Variants in LEPROT observed in about 807,000 individuals in gnomAD.
LEPROT encodes the protein leptin receptor overlapping transcript, also known as leptin receptor gene-related protein.
In LEPROT, 3 loss-of-function variants were observed where a neutral mutation model predicts 15.4. The ratio of observed to expected loss-of-function variants is 0.19; its 90% CI spans 0.09 to 0.50. The LOEUF (loss-of-function observed/expected upper bound fraction) is 0.50, where lower values mean the gene tolerates loss of function less well. Among genes scored for constraint, LEPROT ranks in the 20% least tolerant of loss-of-function variants. The pLI is 0.97. For synonymous variants in LEPROT, 59 were observed against 57.5 expected (o/e 1.03, Z -0.12); for missense variants, 137 against 162.2 (o/e 0.84, Z 0.84).
In LEPROT at chr1:65,432,265, G is replaced by T; in HGVS notation, c.*346G>T. On this transcript the variant is annotated 3_prime_UTR_variant, in exon 4 of 4. Transcript: ENST00000371065. Reference sequence around the variant, plus strand: ...GGATGTGCTTGGAGAGGCAGATAACGCTGAAGCAGGCCTCTCATGACCCAG... The same window carrying T: ...GGATGTGCTTGGAGAGGCAGATAACTCTGAAGCAGGCCTCTCATGACCCAG... The T allele has an allele frequency of 2.0e-6, 2 of 1,002,094 alleles. No homozygotes were observed. The highest frequency in any genetic ancestry group is 2.4e-6 in the Non-Finnish European group (2 of 840,598). The allele number at this position is 1,002,094 out of a possible 1,614,324, so 62.1% of individuals were successfully genotyped here.
chr1:65,435,337 G>A lies in LEPROT; in HGVS notation c.*3418G>A. ...TTTATGTTCTCAGGGAAATGCTTAG[G>A]TGGTGTCACAAAATGTGCCTTTTCT... On this transcript the variant is annotated 3_prime_UTR_variant, in exon 4 of 4. Coordinates refer to ENST00000371065, the MANE Select transcript of LEPROT (RefSeq NM_017526.5). 2 of 982,494 alleles carry A rather than the reference G, an allele frequency of 2.0e-6. No individual in the cohort carries two copies. Among genetic ancestry groups the A allele is most frequent in the Non-Finnish European group, 2.4e-6 (2 of 828,128 alleles). The allele number at this position is 982,494 out of a possible 1,614,324, so 60.9% of individuals were successfully genotyped here. A position where few individuals can be genotyped will look rare whatever the true frequency, so the allele number is the denominator to read the frequency against.
chr1:65,434,371 A>G lies in LEPROT; in HGVS notation c.*2452A>G, dbSNP rs1382945435. The G allele has an allele frequency of 1.9e-5, 19 of 985,298 alleles. No individual in the cohort carries two copies. The highest frequency in any genetic ancestry group is 2.0e-5 in the Non-Finnish European group (17 of 829,928). The allele number at this position is 985,298 out of a possible 1,614,324, so 61.0% of individuals were successfully genotyped here. On this transcript the variant is annotated 3_prime_UTR_variant, in exon 4 of 4. Coordinates refer to ENST00000371065, the MANE Select transcript of LEPROT (RefSeq NM_017526.5). The stretch of plus-strand genomic sequence containing the variant: ...TTTGGAGATTCAGAGCATAGTGACT[A>G]TAGTCGAAAACTGAGATTGCACTTC...
chr1:65,427,730 C>G (rs1045071137), intron 2 of LEPROT: 4 of 365,182 alleles, frequency 1.1e-5, no homozygotes, highest in African/African-American at 8.5e-5. Flanking sequence ...CTCATTACTG[C>G]TACTACAAAT....
Position 65,434,266 on chromosome 1 carries a change from A to T in LEPROT, c.*2347A>T. ...ATTGCTATATCTGAATATATAATAC[A>T]AAAGTTTGATCATGGTGACACAAAT... On this transcript the variant is annotated 3_prime_UTR_variant, in exon 4 of 4. Coordinates refer to ENST00000371065, the MANE Select transcript of LEPROT (RefSeq NM_017526.5). 1.0e-6 allele frequency: 1 copy of T among 982,910 alleles called. No individual in the cohort carries two copies. The highest frequency in any genetic ancestry group is 1.2e-6 in the Non-Finnish European group (1 of 827,596). The allele number at this position is 982,910 out of a possible 1,614,324, so 60.9% of individuals were successfully genotyped here.
intron 2 of LEPROT, among the ~76,000 whole-genome samples, chr1:65,425,646 AGAG>A (rs60086513): frequency 0.48 from 72,713 of 151,704 alleles, 18,054 homozygotes; most frequent in African/African-American, 0.59. Flanking sequence ...CTGTCCTCAA[AGAG>A]GAGGTAAAGT....
intron 2 of LEPROT, among the ~76,000 whole-genome samples, chr1:65,428,934 A>AGT (rs908278269): frequency 6.6e-6 from 1 of 152,176 alleles, no homozygotes; most frequent in Non-Finnish European, 1.5e-5. Flanking sequence ...TGAAGATCAA[A>AGT]GTACATCTAA....
At position 65,426,630 on chromosome 1, in the gene LEPROT, C is replaced by T. The variant is rs532722173; in HGVS notation, c.92+1252C>T. ...AAACCAACCAACAGGTTTTGTTCAT[C>T]GATGTCAGGATTCAACAAGGAGGGA... On this transcript the variant is annotated intron_variant, in intron 2 of 3. Transcript: ENST00000371065. Among the ~76,000 whole-genome samples, 13 of 152,170 alleles carry T rather than the reference C, an allele frequency of 8.5e-5. 1 individual carries two copies. In the South Asian group the frequency reaches 2.3e-3, roughly 27 times the overall value.
At chr1:65,421,398 T>C (rs1208845103) in intron 1 of LEPROT, 43 of 1,536,120 alleles carry the variant, frequency 2.8e-5, no homozygotes, top group Non-Finnish European at 3.7e-5. Context: ...GCGTCCCTTA[T>C]CTGTATGGCT....
intron 2 of LEPROT, among the ~76,000 whole-genome samples, chr1:65,429,192 G>C (rs1173635884): frequency 6.6e-6 from 1 of 152,074 alleles, no homozygotes; most frequent in Admixed American, 6.6e-5. Flanking sequence ...TTTTAGAAAG[G>C]AATCTGTCAG....
At chr1:65,426,813 A>G (rs373072400) in intron 2 of LEPROT, among the ~76,000 whole-genome samples, 1 of 152,304 alleles carries the variant, frequency 6.6e-6, no homozygotes, top group South Asian at 2.1e-4. Flanking sequence ...CCTAGGCAAC[A>G]TGGTGAAACC....
At chr1:65,426,748 C>T (rs987781121) in intron 2 of LEPROT, among the ~76,000 whole-genome samples, 1 of 152,132 alleles carries the variant, frequency 6.6e-6, no homozygotes, top group Non-Finnish European at 1.5e-5. Flanking sequence ...CCTGTAATCC[C>T]AGCACTTTGG....
intron 1 of LEPROT, chr1:65,421,606 C>A: frequency 2.3e-6 from 2 of 880,386 alleles, no homozygotes; most frequent in Non-Finnish European, 3.5e-6. Flanking sequence ...TATACGAGTA[C>A]GCCTCTGTTC....
In LEPROT at chr1:65,435,159, T is replaced by C; in HGVS notation, c.*3240T>C. ...CTCATCTCTTCCTCAGGAGGAGTTCTGAGCTGGTCCTGCTTTTCATAGTTG... is the reference window on the plus strand; with the variant it reads ...CTCATCTCTTCCTCAGGAGGAGTTCCGAGCTGGTCCTGCTTTTCATAGTTG... On this transcript the variant is annotated 3_prime_UTR_variant, in exon 4 of 4. Transcript: ENST00000371065. The C allele has an allele frequency of 1.0e-6, 1 of 985,288 alleles. No individual in the cohort carries two copies. Among genetic ancestry groups the C allele is most frequent in the Non-Finnish European group, 1.2e-6 (1 of 829,804 alleles). 61.0% of individuals were successfully genotyped at this position (985,288 alleles called of 1,614,324 possible).
At position 65,433,238 on chromosome 1, in the gene LEPROT, GAT is replaced by G; in HGVS notation, c.*1323_*1324del. 2.0e-6 allele frequency: 2 copies of G among 985,370 alleles called. No homozygotes were observed. The highest frequency in any genetic ancestry group is 2.4e-6 in the Non-Finnish European group (2 of 829,944). The allele number at this position is 985,370 out of a possible 1,614,324, so 61.0% of individuals were successfully genotyped here. ...TACGGCTCTGGCTTCTTCCCGAAGA[GAT>G]ATAGGAGCCATGTAAGCACGCAGTG... On this transcript the variant is annotated 3_prime_UTR_variant, in exon 4 of 4. Transcript: ENST00000371065.
intron 2 of LEPROT, among the ~76,000 whole-genome samples, chr1:65,428,250 T>G (rs1364634588): frequency 6.6e-6 from 1 of 152,196 alleles, no homozygotes; most frequent in African/African-American, 2.4e-5. Context: ...TTTCTCTTAG[T>G]TGGATATCGG....
chr1:65,426,736 C>T (rs746592371), intron 2 of LEPROT, among the ~76,000 whole-genome samples: 2 of 152,174 alleles, frequency 1.3e-5, no homozygotes, highest in African/African-American at 4.8e-5. Context: ...CCATGGCTCA[C>T]GCCTGTAATC....
At position 65,433,647 on chromosome 1, in the gene LEPROT, A is replaced by T; in HGVS notation, c.*1728A>T. ...ATTTTTTGGCCTTGTTCATGATTTTATGTTTTCAGTGTCCTGTGTACATAT... is the reference window on the plus strand; with the variant it reads ...ATTTTTTGGCCTTGTTCATGATTTTTTGTTTTCAGTGTCCTGTGTACATAT... On this transcript the variant is annotated 3_prime_UTR_variant, in exon 4 of 4. Transcript: ENST00000371065. 1 of 985,326 alleles carries T rather than the reference A, an allele frequency of 1.0e-6. No homozygotes were observed. Among genetic ancestry groups the T allele is most frequent in the Non-Finnish European group, 1.2e-6 (1 of 829,842 alleles). The allele number at this position is 985,326 out of a possible 1,614,324, so 61.0% of individuals were successfully genotyped here. A position where few individuals can be genotyped will look rare whatever the true frequency, so the allele number is the denominator to read the frequency against.
At chr1:65,424,453 C>T (rs533264168) in intron 1 of LEPROT, among the ~76,000 whole-genome samples, 1 of 152,240 alleles carries the variant, frequency 6.6e-6, no homozygotes, top group African/African-American at 2.4e-5. Flanking sequence ...GTTATGTGGA[C>T]CAACTGGCTG....
intron 1 of LEPROT, among the ~76,000 whole-genome samples, chr1:65,422,228 T>C (rs189212385): frequency 6.6e-6 from 1 of 152,160 alleles, no homozygotes. Context: ...GGTGTCCTTA[T>C]AAGAAGAGGG....
Sources: gnomAD v4.1 joint callset for allele counts (sites outside exome capture counted in the v4.1 genomes callset) on GRCh38, gnomAD v4.1.1 for gene constraint, MANE v1.5 for transcripts, NCBI Gene and HGNC (gene_info 2026-07-23, HGNC 2026-07-21) for gene names.